NPLOC4: variants seen among roughly 807,000 people sequenced by gnomAD.
NPLOC4 encodes nuclear protein localization protein 4 homolog.
NPLOC4 carries 18 observed loss-of-function variants against 80.6 expected under a neutral mutation model. The observed-to-expected ratio is 0.22, with a 90% CI of 0.15 to 0.33. NPLOC4 has a LOEUF of 0.33. NPLOC4 is among the 10% of genes least tolerant of loss of function. The pLI, the probability that NPLOC4 is intolerant of heterozygous loss-of-function variation, is 1.00. For synonymous variants in NPLOC4, 313 were observed against 301.5 expected (o/e 1.04, Z -0.39); for missense variants, 540 against 786.1 (o/e 0.69, Z 3.74).
chr17:81,607,318 A>G (rs534598475), intron 6 of NPLOC4, among the ~76,000 whole-genome samples: 1 of 152,174 alleles, frequency 6.6e-6, no homozygotes, highest in Non-Finnish European at 1.5e-5. Context: ...CTACTGTTGA[A>G]GACTGTCAAT....
At chr17:81,601,759 A>G (rs1341428381) in intron 8 of NPLOC4, among the ~76,000 whole-genome samples, 1 of 152,216 alleles carries the variant, frequency 6.6e-6, no homozygotes, top group Non-Finnish European at 1.5e-5. Context: ...ATGAAACACT[A>G]CATCTATTGC....
chr17:81,605,280 CA>C lies in NPLOC4; in HGVS notation c.655-554del, dbSNP rs768829106. 8.6e-3 allele frequency among the ~76,000 whole-genome samples: 801 copies of C among 93,406 alleles called. 11 individuals are homozygous for C. Among genetic ancestry groups the C allele is most frequent in the African/African-American group, 0.025 (729 of 29,360 alleles). 61.3% of individuals were successfully genotyped at this position (93,406 alleles called of 152,430 possible). ...TGGGCGACAGAGCAAAACTCCATCTCAAAAAAAAAAAATAAATAATAATAAT... is the reference window on the plus strand; with the variant it reads ...TGGGCGACAGAGCAAAACTCCATCTCAAAAAAAAAAATAAATAATAATAAT... On this transcript the variant is annotated intron_variant, in intron 7 of 16. Coordinates refer to ENST00000331134, the MANE Select transcript of NPLOC4 (RefSeq NM_017921.4).
Position 81,559,291 on chromosome 17 carries a change from G to T in NPLOC4, c.1795C>A (p.His599Asn). ...CTFMNQPGTGHCEMCSLPRT is the reference protein window; with the variant it reads ...CTFMNQPGTGNCEMCSLPRT ...CTGGGGAGGCTGCACATCTCGCAGT[G>T]GCCTGTGCCTGGCTGGTTCATGAAC... The change falls in exon 17 of 17, where the codon CAC becomes AAC. Residue 599 changes from histidine to asparagine, a missense_variant. Physicochemically the swap from His to Asn is moderately conservative, Grantham distance 68. Around this residue, in one of 6 missense-constraint regions of NPLOC4, gnomAD observed 87 missense variants for 70.3 expected, o/e 1.24. Coordinates refer to ENST00000331134, the MANE Select transcript of NPLOC4 (RefSeq NM_017921.4). 6.2e-7 allele frequency: 1 copy of T among 1,605,748 alleles called. No homozygotes were observed. Among genetic ancestry groups the T allele is most frequent in the Non-Finnish European group, 8.5e-7 (1 of 1,176,602 alleles).
At chr17:81,623,464 CAAAAAAAAAAAA>C (rs60092546) in intron 2 of NPLOC4, among the ~76,000 whole-genome samples, 8 of 82,600 alleles carry the variant, frequency 9.7e-5, no homozygotes, top group Non-Finnish European at 1.7e-4. Context: ...GACTTTGTTT[CAAAAAAAAAAAA>C]AAAAAAAAGC....
At chr17:81,583,533 G>A (rs1283443260) in intron 12 of NPLOC4, among the ~76,000 whole-genome samples, 1 of 152,168 alleles carries the variant, frequency 6.6e-6, no homozygotes, top group Non-Finnish European at 1.5e-5. Context: ...CTGCCACCTG[G>A]CTGCCCCAGA....
intron 1 of NPLOC4, among the ~76,000 whole-genome samples, chr17:81,633,522 G>A (rs948928678): frequency 1.3e-5 from 2 of 152,170 alleles, no homozygotes; most frequent in African/African-American, 4.8e-5. Context: ...TAATTTGTAC[G>A]ATGGAAAGTT....
rs780878214 is a variant in NPLOC4 at position 81,616,333 on chromosome 17, A to AAAAAAAAAAAAGAAAC, written c.210-2840_210-2839insGTTTCTTTTTTTTTTT. ...AAGACTCTGTCTCAAAAAAAAAAAA[A>AAAAAAAAAAAAGAAAC]AAAAAGAAAAGCAAAGCTGCTAAAT... On this transcript the variant is annotated intron_variant, in intron 3 of 16. Transcript: ENST00000331134. Among the ~76,000 whole-genome samples, 195 of 115,592 alleles carry AAAAAAAAAAAAGAAAC rather than the reference A, an allele frequency of 1.7e-3. 20 individuals are homozygous for AAAAAAAAAAAAGAAAC. Among genetic ancestry groups the AAAAAAAAAAAAGAAAC allele is most frequent in the African/African-American group, 5.5e-3 (159 of 29,012 alleles). 75.8% of individuals were successfully genotyped at this position (115,592 alleles called of 152,430 possible).
chr17:81,567,266 A>G lies in NPLOC4; in HGVS notation c.1566+151T>C. ...AAAAGCTGCTGCCTACACTCTGCCC[A>G]TAGGACAAATGAGGGGGACAACCTG... is the stretch of plus-strand genomic sequence containing the variant. On this transcript the variant is annotated intron_variant, in intron 15 of 16. Transcript: ENST00000331134. The surrounding 1 kb of genome is among the most constrained non-coding windows in gnomAD (Gnocchi z 4.5). The G allele has an allele frequency of 1.6e-6, 1 of 619,820 alleles. No homozygotes were observed. The allele number at this position is 619,820 out of a possible 1,614,324, so 38.4% of individuals were successfully genotyped here.
chr17:81,563,874 A>G (rs2033926024), intron 16 of NPLOC4: 1 of 453,204 alleles, frequency 2.2e-6, no homozygotes, highest in Non-Finnish European at 4.4e-6. Context: ...ACCAAATACT[A>G]CATGTTTTCA....
chr17:81,568,228 G>A (rs544796470), intron 14 of NPLOC4, among the ~76,000 whole-genome samples: 1 of 152,310 alleles, frequency 6.6e-6, no homozygotes, highest in Admixed American at 6.5e-5. Flanking sequence ...TTCCTGTCGA[G>A]CTGTATTCTC....
intron 12 of NPLOC4, among the ~76,000 whole-genome samples, chr17:81,574,564 T>G (rs566960885): frequency 6.6e-6 from 1 of 152,270 alleles, no homozygotes; most frequent in African/African-American, 2.4e-5. Flanking sequence ...CGTCAAAGTG[T>G]CAGCAGCTTT....
intron 16 of NPLOC4, chr17:81,564,157 G>T (rs72855627): frequency 0.2 from 52,333 of 266,774 alleles, 5,862 homozygotes; most frequent in Admixed American, 0.3. Flanking sequence ...GGTACTATGT[G>T]TAGTACCTGG....
intron 2 of NPLOC4, among the ~76,000 whole-genome samples, chr17:81,622,762 G>A (rs1342467047): frequency 6.6e-6 from 1 of 152,004 alleles, no homozygotes; most frequent in African/African-American, 2.4e-5. Context: ...TGTTGGCCAC[G>A]GTGGTCTCAA....
intron 12 of NPLOC4, among the ~76,000 whole-genome samples, chr17:81,579,728 T>A (rs1349984170): frequency 6.6e-6 from 1 of 152,156 alleles, no homozygotes; most frequent in Non-Finnish European, 1.5e-5. Flanking sequence ...AAGCAGTACA[T>A]GCCCATGTCA....
At position 81,557,637 on chromosome 17, in the gene NPLOC4, G is replaced by A. The variant is rs2033684542; in HGVS notation, c.*1622C>T. The A allele has an allele frequency of 1.3e-5, 2 of 152,284 alleles. No individual in the cohort carries two copies. The highest frequency in any genetic ancestry group is 2.9e-5 in the Non-Finnish European group (2 of 68,080). The allele number at this position is 152,284 out of a possible 1,614,324, so 9.4% of individuals were successfully genotyped here. On this transcript the variant is annotated 3_prime_UTR_variant, in exon 17 of 17. Transcript: ENST00000331134. ...TCTCAGGACCAGAGGAGACAGCAGA[G>A]GACAAAACTTCAGTGTGACAGCTGC...
At chr17:81,589,460 C>G (rs960981994) in intron 11 of NPLOC4, among the ~76,000 whole-genome samples, 2 of 151,744 alleles carry the variant, frequency 1.3e-5, no homozygotes, top group East Asian at 1.9e-4. Context: ...ATGGCGTGAA[C>G]CCGGGAGGTG....
At position 81,595,486 on chromosome 17, in the gene NPLOC4, G is replaced by A. The variant is rs1457192995; in HGVS notation, c.1120+630C>T. Among the ~76,000 whole-genome samples the A allele has an allele frequency of 3.5e-5, 5 of 143,272 alleles. 1 individual carries two copies. The highest frequency in any genetic ancestry group is 2.1e-4 in the Admixed American group (3 of 14,152). The allele number at this position is 143,272 out of a possible 152,430, so 94.0% of individuals were successfully genotyped here. On this transcript the variant is annotated intron_variant, in intron 11 of 16. Coordinates refer to ENST00000331134, the MANE Select transcript of NPLOC4 (RefSeq NM_017921.4). ...TTTTGAGATGGAGTTTCACTCTGTC[G>A]CCCAGGGGAACATCCTTGTCCATAT...
chr17:81,558,021 A>G lies in NPLOC4; in HGVS notation c.*1238T>C, dbSNP rs911615850. ...GGGCCAGCCTCTCCCGTGGGTGCAG[A>G]GCAGCCCAGATGTGGCCATCATTAA... On this transcript the variant is annotated 3_prime_UTR_variant, in exon 17 of 17. Transcript: ENST00000331134. 1 of 152,472 alleles carries G rather than the reference A, an allele frequency of 6.6e-6. No individual in the cohort carries two copies. The highest frequency in any genetic ancestry group is 2.4e-5 in the African/African-American group (1 of 41,448). 9.4% of individuals were successfully genotyped at this position (152,472 alleles called of 1,614,324 possible). A position where few individuals can be genotyped will look rare whatever the true frequency, so the allele number is the denominator to read the frequency against.
intron 9 of NPLOC4, among the ~76,000 whole-genome samples, chr17:81,597,738 G>A (rs1332447403): frequency 4.1e-5 from 6 of 145,750 alleles, no homozygotes; most frequent in Admixed American, 7.0e-5. Flanking sequence ...TGCCAGGATC[G>A]CGCCATTGCA....
Sources: allele counts gnomAD v4.1 joint callset (sites outside exome capture counted in the v4.1 genomes callset), GRCh38; gene constraint gnomAD v4.1.1; regional missense constraint gnomAD v4.1.1; non-coding constraint Gnocchi (gnomAD v3.1); transcripts MANE v1.5; gene names NCBI Gene and HGNC (gene_info 2026-07-23, HGNC 2026-07-21).